The following HERC6 variants were observed in gnomAD, a reference collection of about 807,000 sequenced individuals.
The protein encoded by HERC6 is HECT and RLD domain containing E3 ubiquitin protein ligase family member 6.
HERC6 carries 101 observed loss-of-function variants against 114.5 expected under a neutral mutation model. The observed-to-expected ratio is 0.88, with a 90% CI of 0.75 to 1.04. The LOEUF (loss-of-function observed/expected upper bound fraction) is 1.04, where lower values mean the gene tolerates loss of function less well. Ranked by LOEUF, HERC6 falls within the 50% of genes least tolerant of loss-of-function variation. The pLI is 0.00. For missense variants in HERC6, 1,133 were observed against 1,230.9 expected (o/e 0.92, Z 1.19); for synonymous variants, 408 against 436.2 (o/e 0.94, Z 0.81).
intron 9 of HERC6, 137 bp downstream of exon 9, chr4:88,405,134 T>C (rs1735758894): frequency 3.9e-6 from 4 of 1,016,882 alleles, no homozygotes; most frequent in Non-Finnish European, 4.3e-6. Flanking sequence ...AGCCTCTTAG[T>C]GTGACTAGGT....
At chr4:88,424,001 A>G (rs181496143) in intron 14 of HERC6, 28 bp downstream of exon 14, 19 of 1,089,776 alleles carry the variant, frequency 1.7e-5, no homozygotes, top group Non-Finnish European at 2.4e-5. Context: ...ACTTCTGAAA[A>G]TGTTCATATT....
chr4:88,428,601 A>G lies in HERC6; in HGVS notation c.1957A>G (p.Met653Val). Residue 653 changes from methionine (M) to valine (V), a missense_variant, in exon 16 of 23, where the codon ATG (methionine) becomes GTG (valine). Met to Val is a conservative substitution (Grantham distance 21). Coordinates refer to ENST00000264346, the MANE Select transcript of HERC6 (RefSeq NM_017912.4). ...CCAGATGTCAGAAAAGAAAGCATAC[A>G]TGCTTATGCATGAAACAATTCTGCA... Reference protein sequence around the residue: ...KMQMSEKKAYMLMHETILQKK... With the variant: ...KMQMSEKKAYVLMHETILQKK... 1.2e-6 allele frequency: 2 copies of G among 1,600,506 alleles called. No homozygotes were observed. Among genetic ancestry groups the G allele is most frequent in the Non-Finnish European group, 1.7e-6 (2 of 1,175,826 alleles).
At chr4:88,412,400 G>C (rs1736159680) in intron 11 of HERC6, among the ~76,000 whole-genome samples, 1 of 152,272 alleles carries the variant, frequency 6.6e-6, no homozygotes, top group South Asian at 2.1e-4. Context: ...GAGCCCAAGA[G>C]TTTGAGACTG....
chr4:88,426,423 C>T lies in HERC6; in HGVS notation c.1935+1721C>T, dbSNP rs187829021. On this transcript the variant is annotated intron_variant, in intron 15 of 22. Transcript: ENST00000264346. Reference sequence around the variant, plus strand: ...CCTCAAGTGATCTGCCTGCCTTGGCCTCCCAAAGTGCTGGGATTACAGGCG... The same window carrying T: ...CCTCAAGTGATCTGCCTGCCTTGGCTTCCCAAAGTGCTGGGATTACAGGCG... Among the ~76,000 whole-genome samples the T allele has an allele frequency of 1.2e-3, 175 of 152,042 alleles. 1 individual carries two copies. The highest frequency in any genetic ancestry group is 2.0e-3 in the Non-Finnish European group (133 of 67,980).
intron 10 of HERC6, among the ~76,000 whole-genome samples, chr4:88,407,714 A>G (rs1273851168): frequency 6.6e-6 from 1 of 152,154 alleles, no homozygotes; most frequent in Admixed American, 6.5e-5. Context: ...GCTGGCATAC[A>G]ATATTTGATA....
intron 17 of HERC6, among the ~76,000 whole-genome samples, 197 bp downstream of exon 17, chr4:88,431,502 C>G (rs1354464067): frequency 6.6e-6 from 1 of 152,064 alleles, no homozygotes; most frequent in African/African-American, 2.4e-5. Flanking sequence ...GAATCTGAGG[C>G]CCTACTCTAC....
intron 22 of HERC6, among the ~76,000 whole-genome samples, chr4:88,441,362 C>A (rs935856524): frequency 1.3e-5 from 2 of 152,190 alleles, no homozygotes; most frequent in African/African-American, 4.8e-5. Context: ...TAACAGCAAC[C>A]CTACGAGGTA....
Position 88,404,991 on chromosome 4 carries a change from C to G in HERC6, c.1208C>G (p.Ala403Gly). The change falls in exon 9 of 23, where the codon GCT (alanine) becomes GGT (glycine). Residue 403 changes from alanine (A) to glycine (G), a missense_variant. By Grantham distance (60) the Ala-to-Gly change is moderately conservative. Around this residue, in one of 3 missense-constraint regions of HERC6, gnomAD observed 735 missense variants for 754.0 expected, o/e 0.97. Coordinates refer to ENST00000264346, the MANE Select transcript of HERC6 (RefSeq NM_017912.4). ...VKRRSTEHEM[A>G]KSEIRMIFSS... ...AGAAGAAGTACTGAACATGAAATGG[C>G]TAAAAGGTGGCTCTGTCTGATAAAT... The G allele has an allele frequency of 6.2e-7, 1 of 1,612,898 alleles. No individual in the cohort carries two copies. Among genetic ancestry groups the G allele is most frequent in the Admixed American group, 1.7e-5 (1 of 59,892 alleles).
At chr4:88,391,553 T>C (rs1174143892) in intron 4 of HERC6, among the ~76,000 whole-genome samples, 1 of 152,186 alleles carries the variant, frequency 6.6e-6, no homozygotes, top group Non-Finnish European at 1.5e-5. Context: ...AAAATCCCGA[T>C]GCCCAGGTCA....
chr4:88,408,856 G>T (rs764660971), intron 11 of HERC6, among the ~76,000 whole-genome samples: 1 of 152,110 alleles, frequency 6.6e-6, no homozygotes, highest in Non-Finnish European at 1.5e-5. Flanking sequence ...TCTCATGAAG[G>T]CTCAGGCTCA....
chr4:88,386,781 G>C (rs1734611263), intron 3 of HERC6, among the ~76,000 whole-genome samples: 1 of 152,186 alleles, frequency 6.6e-6, no homozygotes, highest in South Asian at 2.1e-4. Context: ...TGGTACAGTA[G>C]AGTGGAGATA....
At position 88,379,138 on chromosome 4, in the gene HERC6, G is replaced by A. The variant is rs1291320790; in HGVS notation, c.199+18G>A. On this transcript the variant is annotated intron_variant, in intron 1 of 22. Transcript: ENST00000264346. The stretch of plus-strand genomic sequence containing the variant: ...GCTGCCAGGTGAGCGGGGGGCCCCA[G>A]GTGCAGGGTGTGAGGACCCCAGTAC... 4 of 1,530,914 alleles carry A rather than the reference G, an allele frequency of 2.6e-6. No individual in the cohort carries two copies. The highest frequency in any genetic ancestry group is 2.0e-5 in the Admixed American group (1 of 50,638). The allele number at this position is 1,530,914 out of a possible 1,614,324, so 94.8% of individuals were successfully genotyped here.
chr4:88,407,720 T>C (rs1735881942), intron 10 of HERC6, among the ~76,000 whole-genome samples: 1 of 152,184 alleles, frequency 6.6e-6, no homozygotes, highest in Non-Finnish European at 1.5e-5. Context: ...ATACAATATT[T>C]GATAATGCAT....
At chr4:88,381,554 C>CTTTTTTTTTTTTTTTTTTTTTTT in intron 1 of HERC6, among the ~76,000 whole-genome samples, 1 of 95,828 alleles carries the variant, frequency 1.0e-5, no homozygotes, top group Non-Finnish European at 1.9e-5. Flanking sequence ...CCCTTCTCTT[C>CTTTTTTTTTTTTTTTTTTTTTTT]TTTTTTTTTT....
intron 17 of HERC6, among the ~76,000 whole-genome samples, chr4:88,434,121 T>A (rs989279614): frequency 6.6e-6 from 1 of 152,224 alleles, no homozygotes; most frequent in Admixed American, 6.5e-5. Context: ...ACTTTACCAA[T>A]TGGCTCTAAG....
At position 88,396,980 on chromosome 4, in the gene HERC6, T is replaced by G; in HGVS notation, c.1017T>G (p.Ser339=). 2.5e-6 allele frequency: 4 copies of G among 1,611,402 alleles called. No homozygotes were observed. Among genetic ancestry groups the G allele is most frequent in the Non-Finnish European group, 3.4e-6 (4 of 1,178,376 alleles). ...TENFDISCLI[S]AEDFVDVQVK... is the part of the protein sequence containing the mutation. Reference sequence around the variant, plus strand: ...ACTTTGACATTAGCTGCCTGATTTCTGCTGAAGGTGTGAATCCCACTAATT... The same window carrying G: ...ACTTTGACATTAGCTGCCTGATTTCGGCTGAAGGTGTGAATCCCACTAATT... The change falls in exon 7 of 23, where the codon TCT becomes TCG. Residue 339 remains serine (S), a synonymous_variant. Transcript: ENST00000264346.
intron 12 of HERC6, among the ~76,000 whole-genome samples, chr4:88,414,754 A>G (rs958815825): frequency 2.6e-5 from 4 of 152,164 alleles, no homozygotes; most frequent in Non-Finnish European, 5.9e-5. Flanking sequence ...TCTCATTGCC[A>G]TCTTGGTTTT....
In HERC6 at chr4:88,396,102, G is replaced by A. The variant is rs372050930; in HGVS notation, c.847G>A (p.Glu283Lys). 14 of 1,605,468 alleles carry A rather than the reference G, an allele frequency of 8.7e-6. No homozygotes were observed. In the African/African-American group the frequency reaches 1.1e-4, roughly 12 times the overall value. Residue 283 changes from glutamate to lysine, a missense_variant, in exon 6 of 23, where the codon GAA (glutamate) becomes AAA (lysine). Transcript: ENST00000264346. ...TGAGAAGAGAGGTCCACAACTTGTG[G>A]AAAGAATTGATGGCCTAGTTTCGCA... ...TPEKRGPQLV[E>K]RIDGLVSQID...
At chr4:88,395,278 A>G (rs1735168913) in intron 5 of HERC6, among the ~76,000 whole-genome samples, 1 of 152,200 alleles carries the variant, frequency 6.6e-6, no homozygotes, top group South Asian at 2.1e-4. Flanking sequence ...TAATCATAGA[A>G]TGTTTTGGGA....
Sources: gnomAD v4.1 joint callset for allele counts (sites outside exome capture counted in the v4.1 genomes callset) on GRCh38, gnomAD v4.1.1 for gene constraint, gnomAD v4.1.1 regional missense constraint, MANE v1.5 for transcripts, NCBI Gene and HGNC (gene_info 2026-07-23, HGNC 2026-07-21) for gene names.